SH3GL3: variants seen among roughly 807,000 people sequenced by gnomAD.
The protein encoded by SH3GL3 is endophilin-A3.
A neutral mutation model predicts 47.7 loss-of-function variants in SH3GL3; 33 were observed. That is an observed-to-expected ratio of 0.69 (90% CI 0.52 to 0.92). The LOEUF (loss-of-function observed/expected upper bound fraction) is 0.92. Ranked by LOEUF, SH3GL3 falls within the 40% of genes least tolerant of loss-of-function variation. The probability of loss-of-function intolerance (pLI) is 0.00; values close to 1 mark genes in which losing one functional copy is unlikely to be tolerated. For synonymous variants in SH3GL3, 155 were observed against 148.8 expected (o/e 1.04, Z -0.30); for missense variants, 363 against 417.8 (o/e 0.87, Z 1.14).
intron 1 of SH3GL3, among the ~76,000 whole-genome samples, chr15:83,542,679 T>G (rs1336658890): frequency 6.6e-6 from 1 of 152,192 alleles, no homozygotes; most frequent in Admixed American, 6.5e-5. Flanking sequence ...TGTAGAGATA[T>G]TTAACTTCTT....
chr15:83,626,221 A>G, the SH3GL3 span, among the ~76,000 whole-genome samples: 1 of 152,138 alleles, frequency 6.6e-6, no homozygotes, highest in East Asian at 1.9e-4. Context: ...CTCCACTACC[A>G]CAAGACTCCT....
At chr15:83,569,838 C>CT (rs2045730390) in intron 4 of SH3GL3, among the ~76,000 whole-genome samples, 1 of 152,116 alleles carries the variant, frequency 6.6e-6, no homozygotes, top group African/African-American at 2.4e-5. Context: ...CCTTAGCCTG[C>CT]TTTTGCATCA....
At chr15:83,592,933 C>G (rs1196752082) in intron 8 of SH3GL3, among the ~76,000 whole-genome samples, 2 of 78,368 alleles carry the variant, frequency 2.6e-5, no homozygotes, top group Non-Finnish European at 8.5e-5. Context: ...TAAAAAAGAA[C>G]AAACAAAAAA....
chr15:83,613,543 TG>T (rs1183580445), intron 8 of SH3GL3, among the ~76,000 whole-genome samples: 1 of 152,204 alleles, frequency 6.6e-6, no homozygotes, highest in East Asian at 1.9e-4. Context: ...TGCATACACT[TG>T]GACAAATGTA....
At chr15:83,515,566 G>T (rs1433039142) in intron 1 of SH3GL3, among the ~76,000 whole-genome samples, 19 of 152,112 alleles carry the variant, frequency 1.2e-4, no homozygotes, top group Non-Finnish European at 1.5e-5. Flanking sequence ...TGCCTAGGCA[G>T]GTTTCTCAAA....
At chr15:83,613,286 T>C (rs1452688868) in intron 8 of SH3GL3, among the ~76,000 whole-genome samples, 2 of 152,164 alleles carry the variant, frequency 1.3e-5, no homozygotes, top group African/African-American at 4.8e-5. Context: ...ACAGGGTCTT[T>C]CTACTCAGTG....
At chr15:83,629,798 T>A in the SH3GL3 span, among the ~76,000 whole-genome samples, 1 of 152,012 alleles carries the variant, frequency 6.6e-6, no homozygotes, top group Non-Finnish European at 1.5e-5. Flanking sequence ...CCAGCCTGGA[T>A]GCCAGAGCAA....
At position 83,448,439 on chromosome 15, in the gene SH3GL3, TTGATGTG is replaced by T. The variant is rs2039555927; in HGVS notation, c.45+864_45+870del. On this transcript the variant is annotated intron_variant, in intron 1 of 8. Transcript: ENST00000427482. This position sits in a 1 kb window ranked among gnomAD's most constrained non-coding sequence, Gnocchi z 4.2. ...GGAAAACAGGAGGGGAGACATGAAA[TTGATGTG>T]TGTGTGTGTGTGTGTGTGTGTGTGT... is the stretch of plus-strand genomic sequence containing the variant. Among the ~76,000 whole-genome samples the T allele has an allele frequency of 8.0e-6, 1 of 125,500 alleles. No individual in the cohort carries two copies. Among genetic ancestry groups the T allele is most frequent in the South Asian group, 3.2e-4 (1 of 3,148 alleles). 82.3% of individuals were successfully genotyped at this position (125,500 alleles called of 152,430 possible).
At chr15:83,622,996 C>T (rs1385948289), downstream of SH3GL3, among the ~76,000 whole-genome samples, 2 of 152,234 alleles carry the variant, frequency 1.3e-5, no homozygotes, top group Admixed American at 6.5e-5. Context: ...CCTCCTGCTG[C>T]CTGCATTGCT....
At chr15:83,565,983 A>G (rs1377546036) in intron 3 of SH3GL3, 1 of 152,228 alleles carries the variant, frequency 6.6e-6, no homozygotes, top group East Asian at 1.9e-4. Flanking sequence ...TGATGATAAT[A>G]GCTTTGAAAA....
chr15:83,515,844 CA>C (rs1473352422), intron 1 of SH3GL3, among the ~76,000 whole-genome samples: 20 of 152,158 alleles, frequency 1.3e-4, no homozygotes, highest in African/African-American at 4.6e-4. Flanking sequence ...AATGTGTTTT[CA>C]CACACACTCG....
At chr15:83,573,068 A>G (rs2059581776) in intron 5 of SH3GL3, among the ~76,000 whole-genome samples, 1 of 152,204 alleles carries the variant, frequency 6.6e-6, no homozygotes, top group Non-Finnish European at 1.5e-5. Context: ...CCTGGTGGTC[A>G]TTATTTTCCA....
chr15:83,592,440 A>G (rs1009623362), intron 8 of SH3GL3, among the ~76,000 whole-genome samples: 1 of 152,196 alleles, frequency 6.6e-6, no homozygotes, highest in Non-Finnish European at 1.5e-5. Context: ...CTTGGGTCAC[A>G]TAAGTTCTCC....
Position 83,542,328 on chromosome 15 carries a change from G to A in SH3GL3, c.46-16925G>A, listed in dbSNP as rs763924729. Among the ~76,000 whole-genome samples the A allele has an allele frequency of 3.3e-5, 5 of 152,132 alleles. No homozygotes were observed. In the South Asian group the frequency reaches 1.0e-3, roughly 32 times the overall value. On this transcript the variant is annotated intron_variant, in intron 1 of 8. Coordinates refer to ENST00000427482, the MANE Select transcript of SH3GL3 (RefSeq NM_003027.5). ...GTTCTTTGTTTTGTTCCATTGGTCT[G>A]TGTGTCTGTTTTTTATGTCAGTATC...
intron 4 of SH3GL3, among the ~76,000 whole-genome samples, chr15:83,569,429 C>T (rs1018432737): frequency 6.6e-6 from 1 of 152,136 alleles, no homozygotes; most frequent in Admixed American, 6.5e-5. Flanking sequence ...TATGTAAAAA[C>T]ATTTTACATA....
downstream of SH3GL3, among the ~76,000 whole-genome samples, chr15:83,622,803 C>T (rs2060918498): frequency 1.3e-5 from 2 of 152,252 alleles, no homozygotes; most frequent in African/African-American, 4.8e-5. Flanking sequence ...CTTCACCTGG[C>T]TCTAGTACTC....
At chr15:83,572,460 C>G in intron 4 of SH3GL3, 105 bp from the exon 5 acceptor site, 1 of 949,632 alleles carries the variant, frequency 1.1e-6, no homozygotes, top group Non-Finnish European at 1.6e-6. Flanking sequence ...AAGGACCTTG[C>G]TACACCATCA....
intron 8 of SH3GL3, among the ~76,000 whole-genome samples, chr15:83,614,734 C>T (rs943983075): frequency 4.6e-5 from 7 of 152,156 alleles, no homozygotes; most frequent in African/African-American, 1.4e-4. Flanking sequence ...GATGAAGGCT[C>T]CTTAGAGTGC....
intron 2 of SH3GL3, among the ~76,000 whole-genome samples, chr15:83,560,793 G>A (rs1290375958): frequency 6.6e-6 from 1 of 151,716 alleles, no homozygotes; most frequent in Non-Finnish European, 1.5e-5. Flanking sequence ...GAAAGTAATG[G>A]GAAAAAATAT....
Sources: allele counts gnomAD v4.1 joint callset (sites outside exome capture counted in the v4.1 genomes callset), GRCh38; gene constraint gnomAD v4.1.1; non-coding constraint Gnocchi (gnomAD v3.1); transcripts MANE v1.5; gene names NCBI Gene and HGNC (gene_info 2026-07-23, HGNC 2026-07-21).